SMURF1: variants seen among roughly 807,000 people sequenced by gnomAD.
SMURF1 encodes SMAD specific E3 ubiquitin protein ligase 1.
Under a neutral mutation model 98.0 loss-of-function variants are expected in SMURF1, and 44 were observed. The ratio of observed to expected loss-of-function variants is 0.45; its 90% CI spans 0.35 to 0.58. The LOEUF (loss-of-function observed/expected upper bound fraction) is 0.58, where lower values mean the gene tolerates loss of function less well. Among genes scored for constraint, SMURF1 ranks in the 20% least tolerant of loss-of-function variants. The probability of loss-of-function intolerance (pLI) is 0.00; values close to 1 mark genes in which losing one functional copy is unlikely to be tolerated. For missense variants in SMURF1, 687 were observed against 938.4 expected (o/e 0.73, Z 3.50); for synonymous variants, 396 against 374.9 (o/e 1.06, Z -0.65).
intron 1 of SMURF1, among the ~76,000 whole-genome samples, chr7:99,064,093 C>G (rs1334380093): frequency 6.6e-6 from 1 of 152,174 alleles, no homozygotes; most frequent in Non-Finnish European, 1.5e-5. Context: ...AGTTGTTAAA[C>G]CAACCCTGCA....
At chr7:99,036,931 G>A (rs1297563944) in intron 15 of SMURF1, 136 bp downstream of exon 15, 29 of 1,304,476 alleles carry the variant, frequency 2.2e-5, no homozygotes, top group Admixed American at 5.9e-5. Flanking sequence ...TCCAGCCCTG[G>A]CTCTAGTCTG....
intron 12 of SMURF1, among the ~76,000 whole-genome samples, chr7:99,041,823 C>A (rs1466281444): frequency 6.6e-6 from 1 of 152,252 alleles, no homozygotes; most frequent in African/African-American, 2.4e-5. Flanking sequence ...ACCATTAACA[C>A]ATACGATCAT....
At chr7:99,093,189 T>C (rs1796853749) in intron 1 of SMURF1, among the ~76,000 whole-genome samples, 1 of 152,150 alleles carries the variant, frequency 6.6e-6, no homozygotes, top group Admixed American at 6.5e-5. Flanking sequence ...AAACACACAC[T>C]GTTCCTCTCT....
intron 1 of SMURF1, among the ~76,000 whole-genome samples, chr7:99,142,550 A>G (rs535666236): frequency 1.4e-5 from 2 of 143,684 alleles, no homozygotes; most frequent in Non-Finnish European, 3.0e-5. Context: ...CTCGCCAGAC[A>G]GCAGCGAGGG....
chr7:99,053,493 G>C (rs1232047661), intron 6 of SMURF1, among the ~76,000 whole-genome samples: 1 of 152,080 alleles, frequency 6.6e-6, no homozygotes, highest in African/African-American at 2.4e-5. Context: ...CATAAATCAG[G>C]ATCCAAAGTC....
At chr7:99,057,382 G>T (rs1177170892) in intron 4 of SMURF1, 36 bp downstream of exon 4, 1 of 1,611,996 alleles carries the variant, frequency 6.2e-7, no homozygotes, top group Non-Finnish European at 8.5e-7. Flanking sequence ...GCTTTCTTTG[G>T]TTGCATTAAG....
intron 3 of SMURF1, among the ~76,000 whole-genome samples, chr7:99,058,238 T>G (rs1373205906): frequency 6.6e-6 from 1 of 152,162 alleles, no homozygotes; most frequent in Non-Finnish European, 1.5e-5. Flanking sequence ...CAAGGAATTC[T>G]CCTGCCTCAG....
chr7:99,045,456 A>G (rs1014663938), intron 11 of SMURF1: 30 of 497,016 alleles, frequency 6.0e-5, no homozygotes, highest in East Asian at 1.6e-4. Context: ...CAAGAAGTCA[A>G]TTAGTGGTGA....
At position 99,045,589 on chromosome 7, in the gene SMURF1, C is replaced by G. The variant is rs1357623799; in HGVS notation, c.1256+109G>C. 3 of 851,636 alleles carry G rather than the reference C, an allele frequency of 3.5e-6. No homozygotes were observed. The East Asian group carries it at 7.7e-5, about 22-fold the overall frequency. The allele number at this position is 851,636 out of a possible 1,614,324, so 52.8% of individuals were successfully genotyped here. ...TGGCCCGACTGCTCCAAGGAGACATCAGCCCTGCCCAGGAGTGCTTGGTGA... is the reference window on the plus strand; with the variant it reads ...TGGCCCGACTGCTCCAAGGAGACATGAGCCCTGCCCAGGAGTGCTTGGTGA... On this transcript the variant is annotated intron_variant, in intron 11 of 17. Transcript: ENST00000361368.
Position 99,052,273 on chromosome 7 carries a change from C to T in SMURF1, c.653G>A (p.Arg218Gln), listed in dbSNP as rs202055724. ...GTTCTGGGGCGTCTGTAGTGAACCT[C>T]GCACATCAGGGTTTCGAAGCCGCTG... Reference protein sequence around the residue: ...QAQRLRNPDVRGSLQTPQNRP... With the variant: ...QAQRLRNPDVQGSLQTPQNRP... The change falls in exon 7 of 18, where the codon CGA becomes CAA. Residue 218 changes from arginine (R) to glutamine (Q), a missense_variant. Coordinates refer to ENST00000361368, the MANE Select transcript of SMURF1 (RefSeq NM_181349.3). The T allele has an allele frequency of 1.4e-5, 22 of 1,611,354 alleles. No homozygotes were observed. The East Asian group carries it at 1.8e-4, about 13-fold the overall frequency.
chr7:99,040,305 GCGCA>G lies in SMURF1; in HGVS notation c.1550+69_1550+72del, dbSNP rs1795327746. On this transcript the variant is annotated intron_variant, in intron 13 of 17. Transcript: ENST00000361368. Reference sequence around the variant, plus strand: ...AAAATACACACACACGCGCGCGCGCGCGCACGCGCATACATACGATAGACGTGGT... The same window carrying G: ...AAAATACACACACACGCGCGCGCGCGCGCGCATACATACGATAGACGTGGT... 10 of 1,330,816 alleles carry G rather than the reference GCGCA, an allele frequency of 7.5e-6. No homozygotes were observed. The South Asian group carries it at 2.2e-4, about 29-fold the overall frequency. The allele number at this position is 1,330,816 out of a possible 1,614,324, so 82.4% of individuals were successfully genotyped here. A position where few individuals can be genotyped will look rare whatever the true frequency, so the allele number is the denominator to read the frequency against.
intron 8 of SMURF1, chr7:99,051,099 A>G (rs191885909): frequency 1.0e-5 from 11 of 1,083,102 alleles, no homozygotes; most frequent in Non-Finnish European, 1.4e-5. Context: ...GTTAGTGATC[A>G]TAAGGAATTG....
At chr7:99,106,324 A>G (rs1021767146) in intron 1 of SMURF1, among the ~76,000 whole-genome samples, 9 of 152,228 alleles carry the variant, frequency 5.9e-5, no homozygotes, top group African/African-American at 1.7e-4. Flanking sequence ...TCACCCTATC[A>G]TGAAACTACT....
At chr7:99,138,531 G>A (rs559638856) in intron 1 of SMURF1, among the ~76,000 whole-genome samples, 2 of 152,074 alleles carry the variant, frequency 1.3e-5, no homozygotes, top group African/African-American at 2.4e-5. Flanking sequence ...AAAATGTGTG[G>A]AAGAGAAAGA....
chr7:99,092,000 C>T (rs1254522422), intron 1 of SMURF1, among the ~76,000 whole-genome samples: 1 of 152,076 alleles, frequency 6.6e-6, no homozygotes, highest in East Asian at 1.9e-4. Context: ...TGGCTATTTC[C>T]CAGATGGGTG....
chr7:99,131,084 C>G lies in SMURF1; in HGVS notation c.55+12642G>C, dbSNP rs572179261. On this transcript the variant is annotated intron_variant, in intron 1 of 17. Transcript: ENST00000361368. ...AGATGGTCATGAATAGTGCTGAGGTCAAAACACTGAGATATAGAGAGAAAC... is the reference window on the plus strand; with the variant it reads ...AGATGGTCATGAATAGTGCTGAGGTGAAAACACTGAGATATAGAGAGAAAC... Among the ~76,000 whole-genome samples, 4 of 152,186 alleles carry G rather than the reference C, an allele frequency of 2.6e-5. No individual in the cohort carries two copies. The South Asian group carries it at 8.3e-4, about 32-fold the overall frequency.
intron 1 of SMURF1, among the ~76,000 whole-genome samples, chr7:99,133,937 C>T (rs933136997): frequency 1.4e-4 from 21 of 152,134 alleles, no homozygotes; most frequent in African/African-American, 4.3e-4. Context: ...AGTTCAAAAA[C>T]AGGCTGTTAC....
chr7:99,094,453 C>T (rs1468563907), intron 1 of SMURF1, among the ~76,000 whole-genome samples: 1 of 152,098 alleles, frequency 6.6e-6, no homozygotes, highest in Non-Finnish European at 1.5e-5. Context: ...GCCCAGGAGA[C>T]TAACAAATGA....
rs1421235159 is a variant in SMURF1 at position 99,039,348 on chromosome 7, T to C, written c.1551-823A>G. ...CTAGGCAGAGTGGAAGATTTTCTTT[T>C]TCTTTCTTTTTTTTTGAGACAGAGA... On this transcript the variant is annotated intron_variant, in intron 13 of 17. Coordinates refer to ENST00000361368, the MANE Select transcript of SMURF1 (RefSeq NM_181349.3). Among the ~76,000 whole-genome samples, 6 of 151,940 alleles carry C rather than the reference T, an allele frequency of 3.9e-5. 1 individual carries two copies. The South Asian group carries it at 1.2e-3, about 32-fold the overall frequency.
Sources: allele counts gnomAD v4.1 joint callset (sites outside exome capture counted in the v4.1 genomes callset), GRCh38; gene constraint gnomAD v4.1.1; transcripts MANE v1.5; gene names NCBI Gene and HGNC (gene_info 2026-07-23, HGNC 2026-07-21).